GLRA3: variants seen among roughly 807,000 people sequenced by gnomAD.
The protein encoded by GLRA3 is glycine receptor subunit alpha-3.
In GLRA3, 44 loss-of-function variants were observed where a neutral mutation model predicts 60.4. That is an observed-to-expected ratio of 0.73 (90% CI 0.57 to 0.94). The LOEUF is 0.94. Among genes scored for constraint, GLRA3 ranks in the 40% least tolerant of loss-of-function variants. The probability of loss-of-function intolerance (pLI) is 0.00; values close to 1 mark genes in which losing one functional copy is unlikely to be tolerated. For synonymous variants in GLRA3, 223 were observed against 192.9 expected (o/e 1.16, Z -1.29); for missense variants, 508 against 564.6 (o/e 0.90, Z 1.02).
At chr4:174,743,660 T>C (rs1737114400) in intron 3 of GLRA3, among the ~76,000 whole-genome samples, 1 of 152,194 alleles carries the variant, frequency 6.6e-6, no homozygotes, top group Admixed American at 6.5e-5. Flanking sequence ...GCCAGGATGA[T>C]TCATGGTAAA....
At chr4:174,798,653 G>T (rs780756511) in intron 1 of GLRA3, among the ~76,000 whole-genome samples, 3 of 152,204 alleles carry the variant, frequency 2.0e-5, no homozygotes, top group African/African-American at 4.8e-5. Context: ...GGCTGGGCGC[G>T]GTGGCTCATG....
At chr4:174,782,615 CAA>C (rs1198945660) in intron 2 of GLRA3, among the ~76,000 whole-genome samples, 5 of 152,114 alleles carry the variant, frequency 3.3e-5, no homozygotes, top group African/African-American at 9.7e-5. Context: ...GCAACTTCAG[CAA>C]AGTCTCAGGA....
Position 174,644,043 on chromosome 4 carries a change from G to T in GLRA3, c.1138C>A (p.Arg380=), listed in dbSNP as rs767185308. ...ATTCCATAGGCTGTGAAGCTGAATC[G>T]GCTTTCCCTTACCTCATCATCCTGT... is the stretch of plus-strand genomic sequence containing the variant. ...SDMDDEVRES[R]FSFTAYGMGP... is the part of the protein sequence containing the mutation. The change falls in exon 10 of 10, where the codon CGA becomes AGA. Residue 380 remains arginine (R), a synonymous_variant. Coordinates refer to ENST00000274093, the MANE Select transcript of GLRA3 (RefSeq NM_006529.4). 6.8e-6 allele frequency: 11 copies of T among 1,612,456 alleles called. No homozygotes were observed. Among genetic ancestry groups the T allele is most frequent in the East Asian group, 6.7e-5 (3 of 44,828 alleles).
intron 3 of GLRA3, among the ~76,000 whole-genome samples, chr4:174,730,881 C>T (rs1414754134): frequency 6.6e-6 from 1 of 152,134 alleles, no homozygotes; most frequent in Non-Finnish European, 1.5e-5. Flanking sequence ...GACAATAATC[C>T]TGTCATTCAT....
intron 5 of GLRA3, among the ~76,000 whole-genome samples, chr4:174,708,882 T>A (rs922357248): frequency 1.1e-4 from 17 of 150,950 alleles, no homozygotes; most frequent in African/African-American, 4.1e-4. Context: ...AATAAAAAAC[T>A]GAAAATTCAG....
rs1019111030 is a variant in GLRA3 at position 174,642,159 on chromosome 4, T to A, written c.*1627A>T. The A allele has an allele frequency of 3.3e-5, 28 of 860,304 alleles. No homozygotes were observed. The Admixed American group carries it at 3.7e-4, about 11-fold the overall frequency. The allele number at this position is 860,304 out of a possible 1,614,324, so 53.3% of individuals were successfully genotyped here. ...AAACTGCTTAACATTTACTATTTTTTAAAATGTTATTTTAAAAAATTACAA... is the reference window on the plus strand; with the variant it reads ...AAACTGCTTAACATTTACTATTTTTAAAAATGTTATTTTAAAAAATTACAA... On this transcript the variant is annotated 3_prime_UTR_variant, in exon 10 of 10. Coordinates refer to ENST00000274093, the MANE Select transcript of GLRA3 (RefSeq NM_006529.4).
At chr4:174,807,354 A>G (rs1456898352) in intron 1 of GLRA3, among the ~76,000 whole-genome samples, 2 of 152,100 alleles carry the variant, frequency 1.3e-5, no homozygotes, top group Admixed American at 6.6e-5. Flanking sequence ...TTAAAGGACT[A>G]CTAAATGACT....
chr4:174,644,023 A>G lies in GLRA3; in HGVS notation c.1158T>C (p.Tyr386=). 6.2e-7 allele frequency: 1 copy of G among 1,613,730 alleles called. No individual in the cohort carries two copies. The highest frequency in any genetic ancestry group is 8.5e-7 in the Non-Finnish European group (1 of 1,179,856). The change falls in exon 10 of 10, where the codon TAT becomes TAC. Residue 386 remains tyrosine, a synonymous_variant. Coordinates refer to ENST00000274093, the MANE Select transcript of GLRA3 (RefSeq NM_006529.4). ...TTGCTTGTAGACATGGTCCCATTCC[A>G]TAGGCTGTGAAGCTGAATCGGCTTT... is the stretch of plus-strand genomic sequence containing the variant. ...VRESRFSFTA[Y]GMGPCLQAKD...
chr4:174,691,940 A>C (rs1447759608), intron 5 of GLRA3, among the ~76,000 whole-genome samples: 4 of 150,790 alleles, frequency 2.7e-5, no homozygotes, highest in Non-Finnish European at 5.9e-5. Flanking sequence ...CCCATCTAGG[A>C]AGTGAGGAGT....
intron 5 of GLRA3, among the ~76,000 whole-genome samples, chr4:174,699,154 C>T (rs931871738): frequency 6.6e-6 from 1 of 151,976 alleles, no homozygotes; most frequent in African/African-American, 2.4e-5. Context: ...TATGTCACCA[C>T]GCCTGGCTAA....
Position 174,828,970 on chromosome 4 carries a change from A to AC in GLRA3, c.-160dup. The stretch of plus-strand genomic sequence containing the variant: ...TTAGACAGCTCCCCGCAGTATGCGG[A>AC]CCCCTTCTCAGCATTGAGCAGAAGT... On this transcript the variant is annotated 5_prime_UTR_variant, in exon 1 of 10. It removes the in-frame stop codon of an upstream open reading frame in the 5' UTR. Transcript: ENST00000274093. 1 of 623,830 alleles carries AC rather than the reference A, an allele frequency of 1.6e-6. No homozygotes were observed. 38.6% of individuals were successfully genotyped at this position (623,830 alleles called of 1,614,324 possible). A position where few individuals can be genotyped will look rare whatever the true frequency, so the allele number is the denominator to read the frequency against.
intron 7 of GLRA3, among the ~76,000 whole-genome samples, chr4:174,667,777 C>T (rs996798742): frequency 2.0e-5 from 3 of 152,120 alleles, no homozygotes; most frequent in African/African-American, 7.2e-5. Context: ...CATCAGTTAA[C>T]CATACTGCTC....
intron 3 of GLRA3, among the ~76,000 whole-genome samples, chr4:174,763,957 T>C (rs936892663): frequency 5.3e-5 from 8 of 152,144 alleles, no homozygotes; most frequent in Non-Finnish European, 5.9e-5. Flanking sequence ...AATAAGGAAG[T>C]TAAAATGCTC....
At chr4:174,797,298 T>A (rs1246262677) in intron 1 of GLRA3, among the ~76,000 whole-genome samples, 2 of 152,198 alleles carry the variant, frequency 1.3e-5, no homozygotes, top group Non-Finnish European at 2.9e-5. Flanking sequence ...TTAGCTATGA[T>A]CGGTACTTTG....
At chr4:174,809,394 A>G (rs1467580412) in intron 1 of GLRA3, among the ~76,000 whole-genome samples, 1 of 152,178 alleles carries the variant, frequency 6.6e-6, no homozygotes, top group Non-Finnish European at 1.5e-5. Flanking sequence ...CTGTTAAGCA[A>G]CAAACGGCTG....
At chr4:174,683,136 A>T (rs116025906) in intron 5 of GLRA3, among the ~76,000 whole-genome samples, 197 bp from the exon 6 acceptor site, 3 of 152,322 alleles carry the variant, frequency 2.0e-5, no homozygotes, top group Non-Finnish European at 4.4e-5. Context: ...ACTCCCACCA[A>T]ATAATATGAG....
rs183537147 is a variant in GLRA3 at position 174,780,840 on chromosome 4, C to T, written c.199+7976G>A. Among the ~76,000 whole-genome samples the T allele has an allele frequency of 3.1e-3, 479 of 152,242 alleles. 3 individuals are homozygous for T. Among genetic ancestry groups the T allele is most frequent in the Non-Finnish European group, 4.5e-3 (304 of 68,024 alleles). ...AAGTCCTGAGTGACCTACAAAGAGACGTAGACACCCACACAATAATGATGG... is the reference window on the plus strand; with the variant it reads ...AAGTCCTGAGTGACCTACAAAGAGATGTAGACACCCACACAATAATGATGG... On this transcript the variant is annotated intron_variant, in intron 2 of 9. Coordinates refer to ENST00000274093, the MANE Select transcript of GLRA3 (RefSeq NM_006529.4).
chr4:174,677,597 T>G (rs1368488050), intron 6 of GLRA3, among the ~76,000 whole-genome samples: 1 of 151,480 alleles, frequency 6.6e-6, no homozygotes, highest in Non-Finnish European at 1.5e-5. Flanking sequence ...TGACCTCAGG[T>G]AATCTGCCCA....
At position 174,714,413 on chromosome 4, in the gene GLRA3, C is replaced by A. The variant is rs539841137; in HGVS notation, c.574+1075G>T. ...AATTTTAATTTATTTTATTTCCTCT[C>A]ATTTACGTTAGTACTTTATCCATAT... On this transcript the variant is annotated intron_variant, in intron 5 of 9. Coordinates refer to ENST00000274093, the MANE Select transcript of GLRA3 (RefSeq NM_006529.4). Among the ~76,000 whole-genome samples, 6 of 152,240 alleles carry A rather than the reference C, an allele frequency of 3.9e-5. No homozygotes were observed. The East Asian group carries it at 1.2e-3, about 29-fold the overall frequency.
Sources: gnomAD v4.1 joint callset for allele counts (sites outside exome capture counted in the v4.1 genomes callset) on GRCh38, gnomAD v4.1.1 for gene constraint, MANE v1.5 for transcripts, NCBI Gene and HGNC (gene_info 2026-07-23, HGNC 2026-07-21) for gene names.